Variants in RAF1 observed in about 807,000 individuals in gnomAD.
The protein encoded by RAF1 is Raf-1 proto-oncogene, serine/threonine kinase.
Under a neutral mutation model 81.1 loss-of-function variants are expected in RAF1, and 27 were observed. The ratio of observed to expected loss-of-function variants is 0.33; its 90% confidence interval spans 0.25 to 0.46. The LOEUF is 0.46. Among genes scored for constraint, RAF1 ranks in the 20% least tolerant of loss-of-function variants. RAF1 has a pLI of 1.00. For synonymous variants in RAF1, 298 were observed against 294.0 expected (o/e 1.01, Z -0.14); for missense variants, 598 against 826.0 (o/e 0.72, Z 3.38).
Position 12,590,979 on chromosome 3 carries a change from G to A in RAF1, c.1254-5C>T, listed in dbSNP as rs2058496645. ...ATGTTCACATGCCGTGTTTTGCTGG[G>A]GAGGGGAGGGGAAGAGAGGAGAGGG... On this transcript the variant is annotated splice_polypyrimidine_tract_variant and splice_region_variant and intron_variant, in intron 12 of 17. Coordinates refer to ENST00000442415, the MANE Select transcript of RAF1 (RefSeq NM_001354689.3). The A allele has an allele frequency of 1.2e-6, 2 of 1,604,792 alleles. No individual in the cohort carries two copies. The highest frequency in any genetic ancestry group is 4.5e-5 in the East Asian group (2 of 44,732).
rs1324580744 is a variant in RAF1, at chr3:12,656,978, TAA to T, written c.-27+6833_-27+6834del. On this transcript the variant is annotated intron_variant, in intron 1 of 17. Transcript: ENST00000442415. ...CGCCACTGTACGCCAGCCTTTGTGA[TAA>T]GAGTGAAACTCCATCTCGGGGAAAA... Among the ~76,000 whole-genome samples, 6 of 139,004 alleles carry T rather than the reference TAA, an allele frequency of 4.3e-5. No individual in the cohort carries two copies. In the Admixed American group the frequency reaches 4.6e-4, roughly 11 times the overall value. The allele number at this position is 139,004 out of a possible 152,430, so 91.2% of individuals were successfully genotyped here. A position where few individuals can be genotyped will look rare whatever the true frequency, so the allele number is the denominator to read the frequency against.
At chr3:12,607,226 T>C (rs1457035345) in intron 5 of RAF1, among the ~76,000 whole-genome samples, 1 of 152,306 alleles carries the variant, frequency 6.6e-6, no homozygotes, top group South Asian at 2.1e-4. Flanking sequence ...TCACAGGTTA[T>C]GTCAGCAAGC....
intron 13 of RAF1, chr3:12,588,864 T>C (rs1448767758): frequency 6.6e-6 from 1 of 152,156 alleles, no homozygotes; most frequent in Admixed American, 6.6e-5. Flanking sequence ...GGTGTTTGGG[T>C]CATGGGGATG....
chr3:12,597,760 C>T (rs1036403334), intron 11 of RAF1, among the ~76,000 whole-genome samples: 1 of 151,698 alleles, frequency 6.6e-6, no homozygotes, highest in African/African-American at 2.4e-5. Flanking sequence ...ACAAAAAATA[C>T]AAAAATTAGC....
Position 12,612,039 on chromosome 3 carries a change from G to A in RAF1, c.231C>T (p.Ser77=), listed in dbSNP as rs1450510914. ...GTGCTTTCATAAGGCAGTCATGCAAGCTCATTCCATTTCGCACATTGACCT... is the reference window on the plus strand; with the variant it reads ...GTGCTTTCATAAGGCAGTCATGCAAACTCATTCCATTTCGCACATTGACCT... The change falls in exon 3 of 18, where the codon AGC becomes AGT. Residue 77 remains serine, a synonymous_variant. Coordinates refer to ENST00000442415, the MANE Select transcript of RAF1 (RefSeq NM_001354689.3). 4 of 1,614,090 alleles carry A rather than the reference G, an allele frequency of 2.5e-6. No homozygotes were observed. The highest frequency in any genetic ancestry group is 1.6e-4 in the Middle Eastern group (1 of 6,062).
intron 2 of RAF1, among the ~76,000 whole-genome samples, chr3:12,615,223 CTAA>C (rs2059337931): frequency 6.6e-6 from 1 of 152,158 alleles, no homozygotes; most frequent in Non-Finnish European, 1.5e-5. Flanking sequence ...AATCACTTAT[CTAA>C]TAATAATTAG....
At chr3:12,617,587 T>C (rs1486705186) in intron 2 of RAF1, among the ~76,000 whole-genome samples, 2 of 151,906 alleles carry the variant, frequency 1.3e-5, no homozygotes, top group East Asian at 1.9e-4. Context: ...CTTAGAAAAA[T>C]TGAAGTTTTG....
intron 1 of RAF1, among the ~76,000 whole-genome samples, chr3:12,637,790 T>C (rs1575640769): frequency 1.3e-5 from 2 of 151,296 alleles, no homozygotes; most frequent in African/African-American, 4.9e-5. Context: ...GAGGCAGAGG[T>C]TGCAGTGAGC....
chr3:12,641,704 T>C (rs1012890639), intron 1 of RAF1, among the ~76,000 whole-genome samples: 1 of 152,004 alleles, frequency 6.6e-6, no homozygotes, highest in African/African-American at 2.4e-5. Context: ...GTTGCACAAG[T>C]TGGTCTTGAA....
chr3:12,593,054 A>C (rs1316960279), intron 11 of RAF1, among the ~76,000 whole-genome samples: 1 of 150,112 alleles, frequency 6.7e-6, no homozygotes, highest in Non-Finnish European at 1.5e-5. Flanking sequence ...GCCACTTTCA[A>C]AAGTGTTTCT....
chr3:12,640,689 A>G (rs1170305330), intron 1 of RAF1, among the ~76,000 whole-genome samples: 1 of 151,954 alleles, frequency 6.6e-6, no homozygotes, highest in Non-Finnish European at 1.5e-5. Context: ...AGTTAGAATG[A>G]CGATCATTAA....
intron 1 of RAF1, among the ~76,000 whole-genome samples, chr3:12,633,773 A>G (rs954532732): frequency 1.3e-5 from 2 of 151,680 alleles, no homozygotes; most frequent in African/African-American, 4.8e-5. Flanking sequence ...GTCTCTACTA[A>G]AAAATACAAA....
intron 1 of RAF1, among the ~76,000 whole-genome samples, chr3:12,659,507 T>C (rs1377638391): frequency 6.8e-6 from 1 of 148,012 alleles, no homozygotes; most frequent in African/African-American, 2.5e-5. Context: ...CACAAATATC[T>C]AGTATTACAT....
chr3:12,663,632 C>T (rs576978125), intron 1 of RAF1, among the ~76,000 whole-genome samples, 181 bp downstream of exon 1: 1 of 142,292 alleles, frequency 7.0e-6, no homozygotes, highest in Non-Finnish European at 1.5e-5. Context: ...GGCCATGACA[C>T]CGGACTCCGG....
chr3:12,623,540 G>C (rs968439495), intron 1 of RAF1, among the ~76,000 whole-genome samples: 2 of 151,940 alleles, frequency 1.3e-5, no homozygotes, highest in Non-Finnish European at 2.9e-5. Flanking sequence ...GCTCACGCCT[G>C]TAATCCCAGC....
chr3:12,609,645 T>A (rs940700345), intron 3 of RAF1, among the ~76,000 whole-genome samples: 4 of 152,144 alleles, frequency 2.6e-5, no homozygotes, highest in Middle Eastern at 3.2e-3. Context: ...TTTATTTACT[T>A]AAAAAAATGT....
intron 1 of RAF1, among the ~76,000 whole-genome samples, chr3:12,644,638 G>GC (rs1016796142): frequency 7.2e-5 from 11 of 152,130 alleles, no homozygotes; most frequent in Admixed American, 5.9e-4. Context: ...TCTTCCTATT[G>GC]CCCTTTCTGA....
In RAF1 at chr3:12,585,582, C is replaced by T. The variant is rs150990778; in HGVS notation, c.1596+99G>A. 6,217 of 1,375,350 alleles carry T rather than the reference C, an allele frequency of 4.5e-3. 24 individuals carry two copies. Among genetic ancestry groups the T allele is most frequent in the Non-Finnish European group, 5.8e-3 (5,685 of 973,648 alleles). The allele number at this position is 1,375,350 out of a possible 1,614,324, so 85.2% of individuals were successfully genotyped here. A position where few individuals can be genotyped will look rare whatever the true frequency, so the allele number is the denominator to read the frequency against. ...CTGTCACTAGGGGTCATGTGGATTT[C>T]GGGGAAATGTACAGAAACGCTTTAA... On this transcript the variant is annotated intron_variant, in intron 15 of 17. Transcript: ENST00000442415.
chr3:12,592,100 G>C, intron 11 of RAF1: 2 of 413,670 alleles, frequency 4.8e-6, no homozygotes, highest in South Asian at 2.1e-5. Flanking sequence ...AGTTACATAG[G>C]TTAACTGCTA....
Sources: allele counts gnomAD v4.1 joint callset (sites outside exome capture counted in the v4.1 genomes callset), GRCh38; gene constraint gnomAD v4.1.1; transcripts MANE v1.5; gene names NCBI Gene and HGNC (gene_info 2026-07-23, HGNC 2026-07-21).